The following BCAR3 variants were observed in gnomAD, a reference collection of about 807,000 sequenced individuals.
BCAR3 encodes the protein breast cancer anti-estrogen resistance protein 3.
BCAR3 carries 37 observed loss-of-function variants against 80.1 expected under a neutral mutation model. The observed-to-expected ratio is 0.46, with a 90% CI of 0.36 to 0.61. The LOEUF (loss-of-function observed/expected upper bound fraction) is 0.61, where lower values mean the gene tolerates loss of function less well. BCAR3 is among the 20% of genes least tolerant of loss of function. The pLI is 0.00. For missense variants in BCAR3, 978 were observed against 1,068.2 expected, an observed-to-expected ratio of 0.92 and a Z score of 1.18; for synonymous variants, 389 against 418.9, an observed-to-expected ratio of 0.93 and a Z score of 0.87.
chr1:93,696,478 C>T (rs1027969847), intron 3 of BCAR3, among the ~76,000 whole-genome samples: 2 of 152,124 alleles, frequency 1.3e-5, no homozygotes, highest in African/African-American at 4.8e-5. Context: ...GTCATGCCCT[C>T]CTCTCCTTCC....
At chr1:93,686,372 G>A (rs927336139), upstream of BCAR3, among the ~76,000 whole-genome samples, 7 of 152,122 alleles carry the variant, frequency 4.6e-5, no homozygotes, top group African/African-American at 1.7e-4. Flanking sequence ...CCTGTGCATA[G>A]CCACTGCACT....
rs12725132 is a variant in BCAR3, at chr1:93,777,459, C to T, written c.-63+68108G>A. 1.0e-3 allele frequency among the ~76,000 whole-genome samples: 146 copies of T among 146,040 alleles called. 2 individuals are homozygous for T. The highest frequency in any genetic ancestry group is 3.7e-3 in the African/African-American group (140 of 38,112). On this transcript the variant is annotated intron_variant, in intron 2 of 13. Transcript: ENST00000370244. The stretch of plus-strand genomic sequence containing the variant: ...CCTCCTCTTCCTCCTCCTCCTCTTC[C>T]TCCTCCTCTTCTTCCTCCTCCTCCT...
chr1:93,571,412 C>G, intron 9 of BCAR3: 1 of 418,640 alleles, frequency 2.4e-6, no homozygotes, highest in Non-Finnish European at 4.5e-6. Flanking sequence ...GCATGAGAAT[C>G]ACTTAAGCCT....
intron 2 of BCAR3, among the ~76,000 whole-genome samples, chr1:93,721,298 A>G (rs1650393477): frequency 6.6e-6 from 1 of 152,034 alleles, no homozygotes; most frequent in African/African-American, 2.4e-5. Flanking sequence ...CAAGAACAAC[A>G]TCTTGAGCCT....
chr1:93,656,784 T>G (rs1417529475), intron 2 of BCAR3, among the ~76,000 whole-genome samples: 1 of 152,118 alleles, frequency 6.6e-6, no homozygotes, highest in Non-Finnish European at 1.5e-5. Context: ...TTTAATCTTT[T>G]GCAGAGACAG....
At chr1:93,580,757 G>A (rs982449298) in intron 7 of BCAR3, among the ~76,000 whole-genome samples, 5 of 152,150 alleles carry the variant, frequency 3.3e-5, no homozygotes, top group African/African-American at 9.7e-5. Context: ...GTCCTAAAAC[G>A]AATCCCGACG....
chr1:93,622,009 C>T (rs1345253318), intron 3 of BCAR3, among the ~76,000 whole-genome samples: 3 of 152,230 alleles, frequency 2.0e-5, no homozygotes, highest in South Asian at 2.1e-4. Flanking sequence ...GTAGCTGGGA[C>T]TACAGGCACC....
intron 2 of BCAR3, among the ~76,000 whole-genome samples, chr1:93,668,702 C>CTTTTTTTTTTTTTTTTTTTTTTTTT (rs113398047): frequency 6.9e-6 from 1 of 144,046 alleles, no homozygotes; most frequent in African/African-American, 2.5e-5. Context: ...CTAATAAAAG[C>CTTTTTTTTTTTTTTTTTTTTTTTTT]TTTTTTTTTT....
intron 2 of BCAR3, among the ~76,000 whole-genome samples, chr1:93,828,337 G>A (rs1451964420): frequency 2.6e-5 from 4 of 152,110 alleles, no homozygotes; most frequent in South Asian, 2.1e-4. Flanking sequence ...CTTCCCCAAG[G>A]CAAGTCATAG....
intron 2 of BCAR3, among the ~76,000 whole-genome samples, chr1:93,766,976 G>A (rs59857996): frequency 0.018 from 2,766 of 152,288 alleles, 76 homozygotes; most frequent in African/African-American, 0.063. Context: ...ATAGCTCTGA[G>A]GGTGGGGAGC....
chr1:93,703,109 T>C (rs913389220), intron 3 of BCAR3, among the ~76,000 whole-genome samples: 2 of 152,194 alleles, frequency 1.3e-5, no homozygotes, highest in South Asian at 4.1e-4. Flanking sequence ...GAATTGGAAC[T>C]GTGATCAGGC....
intron 2 of BCAR3, among the ~76,000 whole-genome samples, chr1:93,841,137 TG>T (rs1402987365): frequency 6.6e-6 from 1 of 152,208 alleles, no homozygotes; most frequent in Non-Finnish European, 1.5e-5. Flanking sequence ...GGAGGTGACA[TG>T]GGGCTGCTCA....
Position 93,586,222 on chromosome 1 carries a change from A to G in BCAR3, c.930-2101T>C, listed in dbSNP as rs191667169. Among the ~76,000 whole-genome samples the G allele has an allele frequency of 1.4e-5, 2 of 147,860 alleles. No homozygotes were observed. The highest frequency in any genetic ancestry group is 1.3e-4 in the Admixed American group (2 of 14,916). ...CTCCCCACCCACTACTACCCTTCCC[A>G]GGCTCTGCTAACCATCCTTCTACTC... On this transcript the variant is annotated intron_variant, in intron 5 of 11. Coordinates refer to ENST00000260502, the MANE Select transcript of BCAR3 (RefSeq NM_003567.4). This position sits in a 1 kb window ranked among gnomAD's most constrained non-coding sequence, Gnocchi z 4.2.
At chr1:93,575,782 AG>A (rs1340769059) in intron 8 of BCAR3, among the ~76,000 whole-genome samples, 1 of 152,204 alleles carries the variant, frequency 6.6e-6, no homozygotes, top group African/African-American at 2.4e-5. Flanking sequence ...CCACTCCTCC[AG>A]GAGCAGGGAC....
intron 2 of BCAR3, among the ~76,000 whole-genome samples, chr1:93,643,575 GAAAT>G (rs1676062241): frequency 1.2e-5 from 1 of 80,008 alleles, no homozygotes; most frequent in African/African-American, 4.8e-5. Flanking sequence ...AAAAAAAAAA[GAAAT>G]TTTTTTAAAA....
At chr1:93,812,000 C>T (rs571703026) in intron 2 of BCAR3, among the ~76,000 whole-genome samples, 35 of 152,334 alleles carry the variant, frequency 2.3e-4, no homozygotes, top group African/African-American at 8.4e-4. Context: ...TCATTGTCTC[C>T]ATCTGCCCAC....
chr1:93,737,256 G>C (rs1000650419), intron 2 of BCAR3, among the ~76,000 whole-genome samples: 15 of 152,324 alleles, frequency 9.8e-5, no homozygotes, highest in Admixed American at 7.2e-4. Flanking sequence ...TGTCCCCCAA[G>C]AATTCCTGTT....
chr1:93,625,505 T>C (rs1178711915), intron 3 of BCAR3, among the ~76,000 whole-genome samples: 1 of 152,108 alleles, frequency 6.6e-6, no homozygotes, highest in Non-Finnish European at 1.5e-5. Context: ...TGAAGACTGG[T>C]GGTCACAGGA....
At chr1:93,830,201 G>A (rs932652716) in intron 2 of BCAR3, among the ~76,000 whole-genome samples, 1 of 152,134 alleles carries the variant, frequency 6.6e-6, no homozygotes, top group Non-Finnish European at 1.5e-5. Context: ...GGTGGCTCAT[G>A]CCTGTAAACC....
Sources: gnomAD v4.1 joint callset for allele counts (sites outside exome capture counted in the v4.1 genomes callset) on GRCh38, gnomAD v4.1.1 for gene constraint, Gnocchi (gnomAD v3.1) non-coding constraint, MANE v1.5 for transcripts, NCBI Gene and HGNC (gene_info 2026-07-23, HGNC 2026-07-21) for gene names.